The following HNRNPA0 variants were observed in gnomAD, a reference collection of about 807,000 sequenced individuals.
HNRNPA0 encodes hnRNA binding protein.
For missense variants in HNRNPA0, 252 were observed against 433.7 expected, an observed-to-expected ratio of 0.58 and a Z score of 3.72; for synonymous variants, 243 against 195.5, an observed-to-expected ratio of 1.24 and a Z score of -2.03.
chr5:137,753,700 T>G lies in HNRNPA0; in HGVS notation c.367A>C (p.Thr123Pro). The G allele has an allele frequency of 6.2e-7, 1 of 1,613,842 alleles. No homozygotes were observed. The highest frequency in any genetic ancestry group is 1.1e-5 in the South Asian group (1 of 91,090). Residue 123 changes from threonine to proline, a missense_variant, in exon 1 of 1, where the codon ACC becomes CCC. By Grantham distance (38) the Thr-to-Pro change is conservative. Coordinates refer to ENST00000314940, the MANE Select transcript of HNRNPA0 (RefSeq NM_006805.4). The surrounding 1 kb of genome is among the most constrained non-coding windows in gnomAD (Gnocchi z 6.1). ...GCAATAATCTCGGCCTTTTCCACGG[T>G]GCCAAACTGCGAGAAGTGCTCGATC... ...DLIEHFSQFG[T>P]VEKAEIIADK...
chr5:137,753,926 G>A lies in HNRNPA0; in HGVS notation c.141C>T (p.Ser47=), dbSNP rs1753555643. Residue 47 remains serine (S), a synonymous_variant, in exon 1 of 1, where the codon TCC becomes TCT. Transcript: ENST00000314940. This position sits in a 1 kb window ranked among gnomAD's most constrained non-coding sequence, Gnocchi z 6.1. ...AGTAGGTCACGAAGCCAAAGCAACG[G>A]GAGCGCTTGGTCTGGGGATTCACCA... is the stretch of plus-strand genomic sequence containing the variant. ...VVVVNPQTKR[S]RCFGFVTYSN... is the part of the protein sequence containing the mutation. 1 of 1,614,072 alleles carries A rather than the reference G, an allele frequency of 6.2e-7. No individual in the cohort carries two copies. The highest frequency in any genetic ancestry group is 1.3e-5 in the African/African-American group (1 of 75,070).
chr5:137,754,163 G>A lies in HNRNPA0; in HGVS notation c.-97C>T. ...AAGGCCTCTACACAGCTTGGGCCCA[G>A]CCGTTGCTGGAGCCACCCCCGCCGC... On this transcript the variant is annotated 5_prime_UTR_variant, in exon 1 of 1. Coordinates refer to ENST00000314940, the MANE Select transcript of HNRNPA0 (RefSeq NM_006805.4). The A allele has an allele frequency of 2.1e-6, 3 of 1,435,654 alleles. No individual in the cohort carries two copies. The highest frequency in any genetic ancestry group is 2.8e-6 in the Non-Finnish European group (3 of 1,084,428). The allele number at this position is 1,435,654 out of a possible 1,614,324, so 88.9% of individuals were successfully genotyped here.
In HNRNPA0 at chr5:137,753,836, C is replaced by A; in HGVS notation, c.231G>T (p.Val77=). Residue 77 remains valine (V), a synonymous_variant, in exon 1 of 1, where the codon GTG becomes GTT. Transcript: ENST00000314940. The surrounding 1 kb of genome is among the most constrained non-coding windows in gnomAD (Gnocchi z 6.1). ...CCCGGGACACCGCCCGCTTCAGCTC[C>A]ACAGTGTTGCCGTCCACGGCATGGG... is the stretch of plus-strand genomic sequence containing the variant. ...ASPHAVDGNT[V]ELKRAVSRED... 6.2e-7 allele frequency: 1 copy of A among 1,612,442 alleles called. No individual in the cohort carries two copies. The highest frequency in any genetic ancestry group is 8.5e-7 in the Non-Finnish European group (1 of 1,180,010).
Position 137,753,391 on chromosome 5 carries a change from C to T in HNRNPA0, c.676G>A (p.Gly226Ser). 1 of 1,547,486 alleles carries T rather than the reference C, an allele frequency of 6.5e-7. No individual in the cohort carries two copies. The highest frequency in any genetic ancestry group is 8.7e-7 in the Non-Finnish European group (1 of 1,145,918). Reference protein sequence around the residue: ...GYNSYGGYGGGGGGGYNAYGG... With the variant: ...GYNSYGGYGGSGGGGYNAYGG... ...TAGGCATTGTAGCCGCCGCCTCCGC[C>T]GCCGCCGTAACCACCGTAGCTGTTG... The change falls in exon 1 of 1, where the codon GGC (glycine) becomes AGC (serine). Residue 226 changes from glycine (G) to serine (S), a missense_variant. Gly to Ser is a moderately conservative substitution (Grantham distance 56). Transcript: ENST00000314940. The surrounding 1 kb of genome is among the most constrained non-coding windows in gnomAD (Gnocchi z 6.1).
Position 137,754,202 on chromosome 5 carries a change from A to G in HNRNPA0, c.-136T>C. The G allele has an allele frequency of 1.8e-6, 2 of 1,126,082 alleles. No homozygotes were observed. Among genetic ancestry groups the G allele is most frequent in the Non-Finnish European group, 1.2e-6 (1 of 808,624 alleles). The allele number at this position is 1,126,082 out of a possible 1,614,324, so 69.8% of individuals were successfully genotyped here. A position where few individuals can be genotyped will look rare whatever the true frequency, so the allele number is the denominator to read the frequency against. On this transcript the variant is annotated 5_prime_UTR_variant, in exon 1 of 1. Transcript: ENST00000314940. ...CACCCCCGCCGCTCACCGACGGGGA[A>G]GGGAAAAAGGGAAGGGGAGGGAAGG...
rs1376861323 is a variant in HNRNPA0, at chr5:137,749,747, T to C, written c.*3402A>G. On this transcript the variant is annotated 3_prime_UTR_variant, in exon 1 of 1. Coordinates refer to ENST00000314940, the MANE Select transcript of HNRNPA0 (RefSeq NM_006805.4). ...GCTCCAAATCCAACATCCAAATGCC[T>C]ATCTGCAATCAGCAGACGCGGGCAG... is the stretch of plus-strand genomic sequence containing the variant. 1 of 152,174 alleles carries C rather than the reference T, an allele frequency of 6.6e-6. No homozygotes were observed. The highest frequency in any genetic ancestry group is 1.5e-5 in the Non-Finnish European group (1 of 68,002). The allele number at this position is 152,174 out of a possible 1,614,324, so 9.4% of individuals were successfully genotyped here.
In HNRNPA0 at chr5:137,753,709, G is replaced by T; in HGVS notation, c.358C>A (p.Gln120Lys). 2 of 1,613,622 alleles carry T rather than the reference G, an allele frequency of 1.2e-6. No individual in the cohort carries two copies. The highest frequency in any genetic ancestry group is 8.5e-7 in the Non-Finnish European group (1 of 1,180,028). The change falls in exon 1 of 1, where the codon CAG (glutamine) becomes AAG (lysine). Residue 120 changes from glutamine to lysine, a missense_variant. By Grantham distance (53) the Gln-to-Lys change is moderately conservative (BLOSUM62 1). Coordinates refer to ENST00000314940, the MANE Select transcript of HNRNPA0 (RefSeq NM_006805.4). This position sits in a 1 kb window ranked among gnomAD's most constrained non-coding sequence, Gnocchi z 6.1. ...TCGGCCTTTTCCACGGTGCCAAACT[G>T]CGAGAAGTGCTCGATCAGGTCGCCC... The part of the protein sequence containing the change: ...AEGDLIEHFS[Q>K]FGTVEKAEII...
Position 137,746,195 on chromosome 5 carries a change from T to C in HNRNPA0, c.*6954A>G, listed in dbSNP as rs930228978. The C allele has an allele frequency of 3.3e-5, 5 of 152,202 alleles. No individual in the cohort carries two copies. Among genetic ancestry groups the C allele is most frequent in the African/African-American group, 1.2e-4 (5 of 41,442 alleles). 9.4% of individuals were successfully genotyped at this position (152,202 alleles called of 1,614,324 possible). A position where few individuals can be genotyped will look rare whatever the true frequency, so the allele number is the denominator to read the frequency against. ...AAGATTGTGGATCACTTATACCTTATCCAAGTAGTTCTGATTGCTTTCCTT... is the reference window on the plus strand; with the variant it reads ...AAGATTGTGGATCACTTATACCTTACCCAAGTAGTTCTGATTGCTTTCCTT... On this transcript the variant is annotated 3_prime_UTR_variant, in exon 1 of 1. Transcript: ENST00000314940.
chr5:137,754,200 G>A lies in HNRNPA0; in HGVS notation c.-134C>T. On this transcript the variant is annotated 5_prime_UTR_variant, in exon 1 of 1. Transcript: ENST00000314940. ...GCCACCCCCGCCGCTCACCGACGGG[G>A]AAGGGAAAAAGGGAAGGGGAGGGAA... 8.1e-7 allele frequency: 1 copy of A among 1,235,316 alleles called. No individual in the cohort carries two copies. Among genetic ancestry groups the A allele is most frequent in the South Asian group, 1.6e-5 (1 of 61,300 alleles). The allele number at this position is 1,235,316 out of a possible 1,614,324, so 76.5% of individuals were successfully genotyped here.
In HNRNPA0 at chr5:137,747,150, T is replaced by C. The variant is rs984673723; in HGVS notation, c.*5999A>G. 2.0e-5 allele frequency: 3 copies of C among 152,194 alleles called. No homozygotes were observed. The highest frequency in any genetic ancestry group is 7.2e-5 in the African/African-American group (3 of 41,446). 9.4% of individuals were successfully genotyped at this position (152,194 alleles called of 1,614,324 possible). ...AGACCTAGAGCTATAAGAGGGCCAC[T>C]GGAGCAGAGCTGTGGCCACTCACAA... On this transcript the variant is annotated 3_prime_UTR_variant, in exon 1 of 1. Coordinates refer to ENST00000314940, the MANE Select transcript of HNRNPA0 (RefSeq NM_006805.4).
At position 137,752,128 on chromosome 5, in the gene HNRNPA0, A is replaced by C. The variant is rs1299490391; in HGVS notation, c.*1021T>G. The C allele has an allele frequency of 2.6e-5, 4 of 152,288 alleles. No individual in the cohort carries two copies. The highest frequency in any genetic ancestry group is 1.9e-4 in the East Asian group (1 of 5,198). 9.4% of individuals were successfully genotyped at this position (152,288 alleles called of 1,614,324 possible). A position where few individuals can be genotyped will look rare whatever the true frequency, so the allele number is the denominator to read the frequency against. ...CGGATATAGGAAAAAAAAAAAAAAA[A>C]CGTTTAAACCTGCTCTGAAAGTACA... On this transcript the variant is annotated 3_prime_UTR_variant, in exon 1 of 1. Transcript: ENST00000314940.
rs1478572726 is a variant in HNRNPA0, at chr5:137,753,359, G to A, written c.708C>T (p.Gly236=). The change falls in exon 1 of 1, where the codon GGC becomes GGT. Residue 236 remains glycine (G), a synonymous_variant. Transcript: ENST00000314940. This position sits in a 1 kb window ranked among gnomAD's most constrained non-coding sequence, Gnocchi z 6.1. Reference sequence around the variant, plus strand: ...CACCGTAGGACGAACCGCCGCCGCCGCCTCCGTAGGCATTGTAGCCGCCGC... The same window carrying A: ...CACCGTAGGACGAACCGCCGCCGCCACCTCCGTAGGCATTGTAGCCGCCGC... The part of the protein sequence containing the change: ...GGGGGYNAYG[G]GGGGSSYGGS... 3 of 1,548,364 alleles carry A rather than the reference G, an allele frequency of 1.9e-6. No homozygotes were observed. The highest frequency in any genetic ancestry group is 2.8e-5 in the African/African-American group (2 of 72,560).
Position 137,753,287 on chromosome 5 carries a change from C to T in HNRNPA0, c.780G>A (p.Gln260=), listed in dbSNP as rs1253664105. 1.3e-6 allele frequency: 2 copies of T among 1,588,314 alleles called. No individual in the cohort carries two copies. Among genetic ancestry groups the T allele is most frequent in the Non-Finnish European group, 1.7e-6 (2 of 1,167,844 alleles). Residue 260 remains glutamine, a synonymous_variant, in exon 1 of 1, where the codon CAG becomes CAA. Transcript: ENST00000314940. The surrounding 1 kb of genome is among the most constrained non-coding windows in gnomAD (Gnocchi z 6.1). ...TCATGGGCCCATAGGAGGACTGATG[C>T]TGGCTGTAGCTGCCGAAGCCGCCGA... ...NGFGGFGSYS[Q]HQSSYGPMKS...
In HNRNPA0 at chr5:137,749,700, C is replaced by T. The variant is rs1753465300; in HGVS notation, c.*3449G>A. The T allele has an allele frequency of 1.3e-5, 2 of 152,096 alleles. No homozygotes were observed. The highest frequency in any genetic ancestry group is 2.1e-4 in the South Asian group (1 of 4,828). 9.4% of individuals were successfully genotyped at this position (152,096 alleles called of 1,614,324 possible). A position where few individuals can be genotyped will look rare whatever the true frequency, so the allele number is the denominator to read the frequency against. On this transcript the variant is annotated 3_prime_UTR_variant, in exon 1 of 1. Transcript: ENST00000314940. ...AAGTGCTGTCTTTTTGGGTAAAATC[C>T]GTGTAGTCTAGATGCAGTTCTGCTC...
chr5:137,747,767 T>G lies in HNRNPA0; in HGVS notation c.*5382A>C, dbSNP rs532444198. 4 of 152,190 alleles carry G rather than the reference T, an allele frequency of 2.6e-5. No homozygotes were observed. Among genetic ancestry groups the G allele is most frequent in the Non-Finnish European group, 5.9e-5 (4 of 68,024 alleles). The allele number at this position is 152,190 out of a possible 1,614,324, so 9.4% of individuals were successfully genotyped here. ...TACCATTATTGTTGCTCAAAAACCT[T>G]TAATGACTTTTACTGCCTACCCTAA... On this transcript the variant is annotated 3_prime_UTR_variant, in exon 1 of 1. Coordinates refer to ENST00000314940, the MANE Select transcript of HNRNPA0 (RefSeq NM_006805.4).
rs201570235 is a variant in HNRNPA0, at chr5:137,753,256, C to T, written c.811G>A (p.Gly271Ser). ...CTGCCTCCACCGCCGCCGCCGCCGC[C>T]GCTCTTCATGGGCCCATAGGAGGAC... is the stretch of plus-strand genomic sequence containing the variant. ...HQSSYGPMKS[G>S]GGGGGGGSSW... The change falls in exon 1 of 1, where the codon GGC becomes AGC. Residue 271 changes from glycine (G) to serine (S), a missense_variant. Physicochemically the swap from Gly to Ser is moderately conservative, Grantham distance 56 (BLOSUM62 0). Transcript: ENST00000314940. This position sits in a 1 kb window ranked among gnomAD's most constrained non-coding sequence, Gnocchi z 6.1. 5 of 1,609,410 alleles carry T rather than the reference C, an allele frequency of 3.1e-6. No homozygotes were observed. Among genetic ancestry groups the T allele is most frequent in the Admixed American group, 1.7e-5 (1 of 59,620 alleles).
chr5:137,749,868 G>C lies in HNRNPA0; in HGVS notation c.*3281C>G, dbSNP rs973661129. 1 of 152,132 alleles carries C rather than the reference G, an allele frequency of 6.6e-6. No individual in the cohort carries two copies. Among genetic ancestry groups the C allele is most frequent in the Non-Finnish European group, 1.5e-5 (1 of 68,006 alleles). 9.4% of individuals were successfully genotyped at this position (152,132 alleles called of 1,614,324 possible). A position where few individuals can be genotyped will look rare whatever the true frequency, so the allele number is the denominator to read the frequency against. The stretch of plus-strand genomic sequence containing the variant: ...CCAATAACTGATACCATCACTTCTG[G>C]TTTTGAAGGAAATCATAAATGCAAA... On this transcript the variant is annotated 3_prime_UTR_variant, in exon 1 of 1. Coordinates refer to ENST00000314940, the MANE Select transcript of HNRNPA0 (RefSeq NM_006805.4).
chr5:137,750,278 G>GA lies in HNRNPA0; in HGVS notation c.*2870dup, dbSNP rs1408062229. 2 of 151,974 alleles carry GA rather than the reference G, an allele frequency of 1.3e-5. No homozygotes were observed. The highest frequency in any genetic ancestry group is 2.1e-4 in the South Asian group (1 of 4,822). 9.4% of individuals were successfully genotyped at this position (151,974 alleles called of 1,614,324 possible). A position where few individuals can be genotyped will look rare whatever the true frequency, so the allele number is the denominator to read the frequency against. On this transcript the variant is annotated 3_prime_UTR_variant, in exon 1 of 1. Transcript: ENST00000314940. Reference sequence around the variant, plus strand: ...AACATAATGGAAATATTCAAAAATTGAAAAAAATCTAAAACTCAAAACACT... The same window carrying GA: ...AACATAATGGAAATATTCAAAAATTGAAAAAAAATCTAAAACTCAAAACACT...
rs1753566439 is a variant in HNRNPA0, at chr5:137,754,363, G to A, written c.-297C>T. On this transcript the variant is annotated 5_prime_UTR_variant, in exon 1 of 1. Coordinates refer to ENST00000314940, the MANE Select transcript of HNRNPA0 (RefSeq NM_006805.4). Reference sequence around the variant, plus strand: ...CCCCTATCTGGGCACCACACAAAGAGGCCGCTGAACGCGCGCGCACCCTCC... The same window carrying A: ...CCCCTATCTGGGCACCACACAAAGAAGCCGCTGAACGCGCGCGCACCCTCC... The A allele has an allele frequency of 2.5e-6, 1 of 397,516 alleles. No homozygotes were observed. Among genetic ancestry groups the A allele is most frequent in the South Asian group, 3.9e-5 (1 of 25,812 alleles). The allele number at this position is 397,516 out of a possible 1,614,324, so 24.6% of individuals were successfully genotyped here.
Sources: gnomAD v4.1 joint callset for allele counts on GRCh38, gnomAD v4.1.1 for gene constraint, Gnocchi (gnomAD v3.1) non-coding constraint, MANE v1.5 for transcripts, NCBI Gene and HGNC (gene_info 2026-07-23, HGNC 2026-07-21) for gene names.